The following TBC1D1 variants were observed in gnomAD, a reference collection of about 807,000 sequenced individuals.
TBC1D1 encodes TBC1 domain family member 1.
In TBC1D1, 89 loss-of-function variants were observed where a neutral mutation model predicts 125.6. The observed-to-expected ratio is 0.71, with a 90% CI of 0.60 to 0.85. TBC1D1 has a LOEUF of 0.85. Ranked by LOEUF, TBC1D1 falls within the 40% of genes least tolerant of loss-of-function variation. The pLI is 0.00. For synonymous variants in TBC1D1, 565 were observed against 564.1 expected, an observed-to-expected ratio of 1.00 and a Z score of -0.02; for missense variants, 1,377 against 1,469.2, an observed-to-expected ratio of 0.94 and a Z score of 1.03.
chr4:37,924,724 G>A (rs549044815), intron 2 of TBC1D1, among the ~76,000 whole-genome samples: 1 of 152,122 alleles, frequency 6.6e-6, no homozygotes, highest in African/African-American at 2.4e-5. Context: ...TTAAGGCTGA[G>A]TATTATTCCC....
At chr4:38,057,155 C>A (rs772624407) in intron 12 of TBC1D1, among the ~76,000 whole-genome samples, 18 of 152,166 alleles carry the variant, frequency 1.2e-4, no homozygotes, top group Non-Finnish European at 2.6e-4. Context: ...AGACCCCTGT[C>A]AGCGCTAGGC....
At chr4:38,121,707 T>C (rs550744710) in intron 17 of TBC1D1, among the ~76,000 whole-genome samples, 1 of 152,302 alleles carries the variant, frequency 6.6e-6, no homozygotes, top group Non-Finnish European at 1.5e-5. Context: ...TTGTTTTGTT[T>C]TGTTTTGTTT....
intron 3 of TBC1D1, 84 bp downstream of exon 3, chr4:38,015,057 A>T (rs1204610231): frequency 7.9e-6 from 9 of 1,146,272 alleles, no homozygotes; most frequent in Non-Finnish European, 1.1e-5. Context: ...GAAGATTCTT[A>T]GTCAATTGCT....
chr4:37,940,503 AATACCCT>A (rs1228923421), intron 2 of TBC1D1, among the ~76,000 whole-genome samples: 1 of 152,168 alleles, frequency 6.6e-6, no homozygotes, highest in African/African-American at 2.4e-5. Context: ...TTCCTAATTG[AATACCCT>A]TTATTTCTTT....
At chr4:38,060,563 C>G in intron 12 of TBC1D1, 2 of 1,174,212 alleles carry the variant, frequency 1.7e-6, no homozygotes, top group South Asian at 2.6e-5. Flanking sequence ...ATATTTGCTC[C>G]TCTGAGTAAA....
chr4:38,028,109 A>AC (rs1286912422), intron 7 of TBC1D1, among the ~76,000 whole-genome samples: 5 of 150,256 alleles, frequency 3.3e-5, no homozygotes, highest in Non-Finnish European at 5.9e-5. Context: ...GAGCTGCTAA[A>AC]AAAACAAACA....
chr4:38,016,075 C>G (rs1742655520), intron 3 of TBC1D1, among the ~76,000 whole-genome samples: 1 of 152,178 alleles, frequency 6.6e-6, no homozygotes, highest in South Asian at 2.1e-4. Context: ...GCTGGAAATG[C>G]AGCCGTGAAC....
At chr4:38,072,328 T>C (rs1487355332) in intron 12 of TBC1D1, among the ~76,000 whole-genome samples, 1 of 152,236 alleles carries the variant, frequency 6.6e-6, no homozygotes, top group East Asian at 1.9e-4. Flanking sequence ...ATCATGACTT[T>C]CCTGCCCACC....
chr4:37,963,955 G>A (rs1034874960), intron 2 of TBC1D1, among the ~76,000 whole-genome samples: 2 of 152,108 alleles, frequency 1.3e-5, no homozygotes, highest in African/African-American at 4.8e-5. Flanking sequence ...TTGGTTAGGG[G>A]CCCTCTCTGT....
intron 7 of TBC1D1, among the ~76,000 whole-genome samples, chr4:38,028,999 T>C (rs1251557020): frequency 1.3e-5 from 2 of 152,208 alleles, no homozygotes; most frequent in Non-Finnish European, 1.5e-5. Context: ...ACTTGGAAGC[T>C]AGCTCTTGCC....
intron 10 of TBC1D1, among the ~76,000 whole-genome samples, chr4:38,048,356 T>C (rs1749870082): frequency 6.6e-6 from 1 of 152,194 alleles, no homozygotes; most frequent in East Asian, 1.9e-4. Flanking sequence ...ATGGAGATTG[T>C]GTTCTGTGAT....
At chr4:38,094,656 G>A (rs1366818439) in intron 13 of TBC1D1, among the ~76,000 whole-genome samples, 1 of 152,208 alleles carries the variant, frequency 6.6e-6, no homozygotes, top group Non-Finnish European at 1.5e-5. Flanking sequence ...GCTGTGTGAA[G>A]TTGTGTCGAC....
intron 10 of TBC1D1, 129 bp from the exon 11 acceptor site, chr4:38,049,489 G>C (rs879662201): frequency 1.2e-5 from 13 of 1,082,848 alleles, no homozygotes; most frequent in Non-Finnish European, 1.6e-5. Context: ...TTTGGTGGTG[G>C]CTTCTAGATG....
intron 2 of TBC1D1, among the ~76,000 whole-genome samples, chr4:37,998,325 G>A (rs1409852382): frequency 6.6e-6 from 1 of 152,180 alleles, no homozygotes; most frequent in East Asian, 1.9e-4. Flanking sequence ...TCATCCTTCT[G>A]CCTGTCATCC....
chr4:38,082,492 T>C (rs1756746026), intron 12 of TBC1D1, among the ~76,000 whole-genome samples: 1 of 152,266 alleles, frequency 6.6e-6, no homozygotes, highest in Non-Finnish European at 1.5e-5. Flanking sequence ...TCTTTAGTTT[T>C]GTTGTCTTTA....
At chr4:38,131,287 T>C (rs1765544943) in intron 18 of TBC1D1, among the ~76,000 whole-genome samples, 1 of 152,158 alleles carries the variant, frequency 6.6e-6, no homozygotes, top group Non-Finnish European at 1.5e-5. Flanking sequence ...ACTTAAATCT[T>C]TGTGAAAGAA....
chr4:37,966,905 C>T (rs1731180231), intron 2 of TBC1D1, among the ~76,000 whole-genome samples: 1 of 152,126 alleles, frequency 6.6e-6, no homozygotes, highest in Non-Finnish European at 1.5e-5. Context: ...GCTCAGTGCA[C>T]CTGAAGATTA....
intron 2 of TBC1D1, among the ~76,000 whole-genome samples, chr4:37,926,579 C>T (rs1722158837): frequency 6.6e-6 from 1 of 152,186 alleles, no homozygotes; most frequent in African/African-American, 2.4e-5. Flanking sequence ...TATTCTAGAT[C>T]GAGGTGATGC....
intron 2 of TBC1D1, among the ~76,000 whole-genome samples, chr4:37,974,016 T>C (rs1732553479): frequency 6.6e-6 from 1 of 152,238 alleles, no homozygotes; most frequent in Non-Finnish European, 1.5e-5. Flanking sequence ...TTGTAGAGTC[T>C]ACAAGCATTC....
Sources: gnomAD v4.1 joint callset for allele counts (sites outside exome capture counted in the v4.1 genomes callset) on GRCh38, gnomAD v4.1.1 for gene constraint, MANE v1.5 for transcripts, NCBI Gene and HGNC (gene_info 2026-07-23, HGNC 2026-07-21) for gene names.